Variants in HMGCS2 observed in about 807,000 individuals in gnomAD.
HMGCS2 encodes the protein 3-hydroxy-3-methylglutaryl-CoA synthase 2.
Under a neutral mutation model 57.4 loss-of-function variants are expected in HMGCS2, and 50 were observed. The observed-to-expected ratio is 0.87, with a 90% CI of 0.69 to 1.10. The LOEUF (loss-of-function observed/expected upper bound fraction) is 1.10, where lower values mean the gene tolerates loss of function less well. Among genes scored for constraint, HMGCS2 ranks in the 50% least tolerant of loss-of-function variants. The probability of loss-of-function intolerance (pLI) is 0.00; values close to 1 mark genes in which losing one functional copy is unlikely to be tolerated. For synonymous variants in HMGCS2, 254 were observed against 245.1 expected (o/e 1.04, Z -0.34); for missense variants, 627 against 636.5 (o/e 0.99, Z 0.16).
chr1:119,764,973 A>G (rs1467282225), intron 1 of HMGCS2, among the ~76,000 whole-genome samples: 1 of 152,186 alleles, frequency 6.6e-6, no homozygotes, highest in South Asian at 2.1e-4. Context: ...TGTGATCGGT[A>G]TATATATTTT....
At chr1:119,764,749 C>T (rs1653162550) in intron 1 of HMGCS2, 123 bp from the exon 2 acceptor site, 2 of 758,240 alleles carry the variant, frequency 2.6e-6, no homozygotes. Flanking sequence ...CAGATGACTA[C>T]AAATTTAGTA....
intron 4 of HMGCS2, among the ~76,000 whole-genome samples, chr1:119,758,682 A>G (rs1036265919): frequency 2.0e-5 from 3 of 152,266 alleles, no homozygotes. Context: ...CACTGATAAC[A>G]CTTCAGCATA....
At chr1:119,762,901 T>G (rs1181687994) in intron 2 of HMGCS2, among the ~76,000 whole-genome samples, 2 of 152,210 alleles carry the variant, frequency 1.3e-5, no homozygotes, top group African/African-American at 4.8e-5. Context: ...CTCTCAAGAA[T>G]AGGCTCTTTG....
chr1:119,755,824 C>A (rs1485382775), intron 5 of HMGCS2, among the ~76,000 whole-genome samples: 6 of 151,978 alleles, frequency 3.9e-5, no homozygotes, highest in Non-Finnish European at 8.8e-5. Flanking sequence ...TTTTATAGAG[C>A]TTACTAGAAA....
At chr1:119,750,181 T>C (rs1332124702) in intron 9 of HMGCS2, among the ~76,000 whole-genome samples, 2 of 152,240 alleles carry the variant, frequency 1.3e-5, no homozygotes, top group African/African-American at 4.8e-5. Flanking sequence ...TATCTGGCTT[T>C]AACAGAATCT....
rs1557991791 is a variant in HMGCS2, at chr1:119,759,178, G to GC, written c.789dup (p.Arg264AlafsTer12). On this transcript the variant is annotated frameshift_variant, in exon 4 of 10. Transcript: ENST00000369406. LOFTEE classifies it high-confidence loss of function. The stretch of plus-strand genomic sequence containing the variant: ...GATGTGTAACATCGATCCAAGGCCC[G>GC]CAAGTAGCACTGGATGGAAAGCTTC... 6.2e-7 allele frequency: 1 copy of GC among 1,614,096 alleles called. No individual in the cohort carries two copies. The highest frequency in any genetic ancestry group is 2.2e-5 in the East Asian group (1 of 44,872).
chr1:119,752,392 C>T (rs1557988269), intron 8 of HMGCS2, among the ~76,000 whole-genome samples, 157 bp downstream of exon 8: 2 of 152,158 alleles, frequency 1.3e-5, no homozygotes, highest in Non-Finnish European at 2.9e-5. Flanking sequence ...CCACTTCTTG[C>T]CCCTTTGGAC....
chr1:119,767,899 T>A (rs1653289618), intron 1 of HMGCS2, among the ~76,000 whole-genome samples: 1 of 152,190 alleles, frequency 6.6e-6, no homozygotes, highest in African/African-American at 2.4e-5. Context: ...GGTAGCATAA[T>A]GAAAAATATA....
intron 1 of HMGCS2, 52 bp downstream of exon 1, chr1:119,768,689 G>T: frequency 7.4e-7 from 1 of 1,359,104 alleles, no homozygotes; most frequent in Non-Finnish European, 1.1e-6. Flanking sequence ...CCCAATAGCA[G>T]GGAAAAACTA....
intron 9 of HMGCS2, among the ~76,000 whole-genome samples, chr1:119,749,410 T>A: frequency 7.5e-6 from 1 of 133,882 alleles, no homozygotes; most frequent in South Asian, 2.9e-4. Context: ...CCTCCCTATT[T>A]CTCCCACTCT....
At chr1:119,758,879 C>T (rs1652939978) in intron 4 of HMGCS2, among the ~76,000 whole-genome samples, 2 of 152,218 alleles carry the variant, frequency 1.3e-5, no homozygotes, top group Admixed American at 1.3e-4. Flanking sequence ...GGGCCTTGCC[C>T]TGGATTATTT....
At chr1:119,755,323 A>C (rs1039016104) in intron 6 of HMGCS2, 104 bp downstream of exon 6, 3 of 1,151,408 alleles carry the variant, frequency 2.6e-6, no homozygotes, top group Admixed American at 1.7e-5. Flanking sequence ...CTTTCTTTTA[A>C]ATTTCTGAGC....
In HMGCS2 at chr1:119,759,223, C is replaced by A; in HGVS notation, c.745G>T (p.Glu249Ter). Reference protein sequence around the residue: ...YDFYKPNLASEYPIVDGKLSI... With the variant: ...YDFYKPNLAS ...AGCTTCCCATCCACTATTGGGTACT[C>A]CGAGGCCAAATTTGGTTTGTAGAAG... The change falls in exon 4 of 10, where the codon GAG (glutamate) becomes TAG (stop). Residue 249 changes from glutamate to a stop codon, truncating the protein, a stop_gained. Transcript: ENST00000369406. LOFTEE classifies it high-confidence loss of function. 2 of 1,614,112 alleles carry A rather than the reference C, an allele frequency of 1.2e-6. No homozygotes were observed. The highest frequency in any genetic ancestry group is 1.7e-6 in the Non-Finnish European group (2 of 1,179,996).
At chr1:119,767,738 G>A (rs918023606) in intron 1 of HMGCS2, among the ~76,000 whole-genome samples, 2 of 152,210 alleles carry the variant, frequency 1.3e-5, no homozygotes, top group African/African-American at 2.4e-5. Flanking sequence ...GAGGATTGAT[G>A]TATGTCTTTT....
chr1:119,751,869 G>C (rs1340013199), intron 8 of HMGCS2, among the ~76,000 whole-genome samples: 7 of 152,292 alleles, frequency 4.6e-5, no homozygotes, highest in Admixed American at 3.9e-4. Flanking sequence ...AGTTTTGCTT[G>C]AGAATATATA....
chr1:119,759,880 A>T lies in HMGCS2; in HGVS notation c.669T>A (p.Pro223=). The change falls in exon 3 of 10, where the codon CCT becomes CCA. Residue 223 remains proline, a synonymous_variant. Transcript: ENST00000369406. ...AVAMLIGPKA[P]LALERGLRGT... Reference sequence around the variant, plus strand: ...ACTACAAACCTCGCTCCAGGGCCAGAGGGGCCTTGGGCCCAATCAGCATAG... The same window carrying T: ...ACTACAAACCTCGCTCCAGGGCCAGTGGGGCCTTGGGCCCAATCAGCATAG... 6.2e-7 allele frequency: 1 copy of T among 1,614,174 alleles called. No homozygotes were observed.
rs754218759 is a variant in HMGCS2 at position 119,752,564 on chromosome 1, G to C, written c.1405C>G (p.Gln469Glu). ...EFTEIMNQREQFYHKVNFSPP... is the reference protein window; with the variant it reads ...EFTEIMNQREEFYHKVNFSPP... ...TTTTTCTTACCCTTATGGTAGAATT[G>C]CTCTCTTTGGTTCATTATTTCTGTG... Residue 469 changes from glutamine (Q) to glutamate (E), a missense_variant, in exon 8 of 10, where the codon CAA becomes GAA. By Grantham distance (29) the Gln-to-Glu change is conservative. Coordinates refer to ENST00000369406, the MANE Select transcript of HMGCS2 (RefSeq NM_005518.4). 1.9e-6 allele frequency: 3 copies of C among 1,613,776 alleles called. No homozygotes were observed. The highest frequency in any genetic ancestry group is 1.7e-6 in the Non-Finnish European group (2 of 1,179,904).
chr1:119,753,495 C>G, intron 6 of HMGCS2, 109 bp from the exon 7 acceptor site: 1 of 707,242 alleles, frequency 1.4e-6, no homozygotes, highest in Non-Finnish European at 2.5e-6. Context: ...GAACAACAGC[C>G]TATCATCCCG....
intron 1 of HMGCS2, among the ~76,000 whole-genome samples, chr1:119,766,617 C>T (rs1653240053): frequency 6.6e-6 from 1 of 152,156 alleles, no homozygotes; most frequent in Non-Finnish European, 1.5e-5. Flanking sequence ...GGAGTTTGTA[C>T]TCTCAAATAT....
Sources: gnomAD v4.1 joint callset for allele counts (sites outside exome capture counted in the v4.1 genomes callset) on GRCh38, gnomAD v4.1.1 for gene constraint, MANE v1.5 for transcripts, NCBI Gene and HGNC (gene_info 2026-07-23, HGNC 2026-07-21) for gene names.